Variants in PLSCR2 observed in about 807,000 individuals in gnomAD.
PLSCR2 encodes PL scramblase 2.
A neutral mutation model predicts 25.3 loss-of-function variants in PLSCR2; 18 were observed. The ratio of observed to expected loss-of-function variants is 0.71; its 90% CI spans 0.49 to 1.06. PLSCR2 has a LOEUF of 1.06. PLSCR2 is among the 50% of genes least tolerant of loss of function. The pLI is 0.00. For missense variants in PLSCR2, 243 were observed against 269.5 expected (o/e 0.90, Z 0.69); for synonymous variants, 88 against 87.3 (o/e 1.01, Z -0.04).
At chr3:146,478,778 A>G (rs1038205227) in intron 1 of PLSCR2, among the ~76,000 whole-genome samples, 18 of 152,296 alleles carry the variant, frequency 1.2e-4, no homozygotes, top group African/African-American at 4.3e-4. Context: ...GAGCAACCCC[A>G]AGACACATAA....
chr3:146,454,159 T>C, exon 5 of PLSCR2: 2 of 1,580,034 alleles, frequency 1.3e-6, no homozygotes, highest in Non-Finnish European at 1.7e-6. Flanking sequence ...AGCTTGGATT[T>C]CTATCTACAA....
intron 1 of PLSCR2, among the ~76,000 whole-genome samples, chr3:146,480,072 G>GAC (rs1420494282): frequency 6.6e-6 from 1 of 152,098 alleles, no homozygotes; most frequent in Non-Finnish European, 1.5e-5. Context: ...GAATTTCTGG[G>GAC]ACACATTCAA....
intron 1 of PLSCR2, among the ~76,000 whole-genome samples, chr3:146,478,050 G>A (rs960682368): frequency 1.3e-5 from 2 of 152,126 alleles, no homozygotes; most frequent in Non-Finnish European, 2.9e-5. Context: ...CAAACTGAAA[G>A]GAATAGCATC....
intron 2 of PLSCR2, among the ~76,000 whole-genome samples, chr3:146,406,598 G>T (rs2038667041): frequency 1.3e-5 from 2 of 152,136 alleles, no homozygotes; most frequent in Admixed American, 1.3e-4. Flanking sequence ...TAGATAAAAA[G>T]AATTAATCTA....
At chr3:146,469,451 A>C (rs2042018262) in intron 1 of PLSCR2, 44 bp downstream of exon 1, 1 of 928,986 alleles carries the variant, frequency 1.1e-6, no homozygotes. Flanking sequence ...AGCCAGGCAC[A>C]CCCCAGTCCC....
chr3:146,400,567 C>T (rs2038433323), intron 2 of PLSCR2, among the ~76,000 whole-genome samples: 1 of 150,252 alleles, frequency 6.7e-6, no homozygotes, highest in South Asian at 2.1e-4. Flanking sequence ...TCAAATTAAT[C>T]CATTGATTAA....
At chr3:146,395,693 T>C (rs1444632247) in intron 3 of PLSCR2, 1 of 160,712 alleles carries the variant, frequency 6.2e-6, no homozygotes, top group African/African-American at 2.4e-5. Context: ...GGAGAAATAT[T>C]AGTAAAAGTG....
chr3:146,448,126 G>A (rs2040671666), intron 6 of PLSCR2, among the ~76,000 whole-genome samples: 1 of 152,030 alleles, frequency 6.6e-6, no homozygotes, highest in South Asian at 2.1e-4. Flanking sequence ...TTTTTTTAAT[G>A]TGATCTTTAA....
chr3:146,448,499 T>C (rs1220947002), intron 6 of PLSCR2, among the ~76,000 whole-genome samples: 2 of 152,174 alleles, frequency 1.3e-5, no homozygotes, highest in Non-Finnish European at 2.9e-5. Flanking sequence ...TTTAATAAAT[T>C]TGGATGGACA....
At chr3:146,402,029 ATAT>A in intron 2 of PLSCR2, among the ~76,000 whole-genome samples, 1 of 152,004 alleles carries the variant, frequency 6.6e-6, no homozygotes, top group African/African-American at 2.4e-5. Context: ...GCAAATAAGA[ATAT>A]TATTATCTTT....
At chr3:146,480,993 G>C (rs913224736) in intron 1 of PLSCR2, among the ~76,000 whole-genome samples, 2 of 151,972 alleles carry the variant, frequency 1.3e-5, no homozygotes, top group Non-Finnish European at 2.9e-5. Context: ...CACATGATTA[G>C]CTCAATAGAT....
chr3:146,393,027 CTTTT>C (rs1296969192), intron 3 of PLSCR2, among the ~76,000 whole-genome samples: 2 of 104,408 alleles, frequency 1.9e-5, no homozygotes, highest in African/African-American at 7.1e-5. Flanking sequence ...ATTTACATTC[CTTTT>C]TTTTTTTTTT....
intron 3 of PLSCR2, among the ~76,000 whole-genome samples, chr3:146,391,864 T>C (rs1407734125): frequency 6.6e-6 from 1 of 152,106 alleles, no homozygotes; most frequent in Admixed American, 6.5e-5. Flanking sequence ...TACATACTCA[T>C]TTTAGAAAAC....
intron 1 of PLSCR2, among the ~76,000 whole-genome samples, chr3:146,491,604 A>G (rs1360526237): frequency 6.6e-6 from 1 of 152,108 alleles, no homozygotes; most frequent in Non-Finnish European, 1.5e-5. Context: ...ATGTTCTTCA[A>G]GCTCTGAGAT....
At chr3:146,464,171 A>T (rs2041755535), upstream of PLSCR2, among the ~76,000 whole-genome samples, 1 of 152,248 alleles carries the variant, frequency 6.6e-6, no homozygotes, top group Non-Finnish European at 1.5e-5. Context: ...TAAGGTGAAC[A>T]ATAAGCTAGT....
At chr3:146,403,992 C>A (rs3924718) in intron 2 of PLSCR2, among the ~76,000 whole-genome samples, 6,232 of 152,238 alleles carry the variant, frequency 0.041, 176 homozygotes, top group Admixed American at 0.087. Context: ...CACCCTGACT[C>A]ATTTCATAAC....
intron 1 of PLSCR2, among the ~76,000 whole-genome samples, chr3:146,471,323 C>G (rs2108497577): frequency 6.6e-6 from 1 of 152,232 alleles, no homozygotes; most frequent in Admixed American, 6.5e-5. Context: ...TTCTAGAATA[C>G]CAATTCTAAA....
chr3:146,443,465 A>AT (rs1447481863), intron 6 of PLSCR2, among the ~76,000 whole-genome samples: 1 of 150,532 alleles, frequency 6.6e-6, no homozygotes, highest in Non-Finnish European at 1.5e-5. Context: ...CAGGTTTTAG[A>AT]TTTTTTCATG....
At chr3:146,438,365 A>G (rs2040016258), downstream of PLSCR2, among the ~76,000 whole-genome samples, 1 of 152,132 alleles carries the variant, frequency 6.6e-6, no homozygotes, top group Admixed American at 6.6e-5. Flanking sequence ...TCTAATGTTG[A>G]CAGTGGGGTG....
Sources: allele counts gnomAD v4.1 joint callset (sites outside exome capture counted in the v4.1 genomes callset), GRCh38; gene constraint gnomAD v4.1.1; transcripts MANE v1.5; gene names NCBI Gene and HGNC (gene_info 2026-07-23, HGNC 2026-07-21).